AKR1B1: variants seen among roughly 807,000 people sequenced by gnomAD.
The protein encoded by AKR1B1 is aldo-keto reductase family 1 member B1.
In AKR1B1, 22 loss-of-function variants were observed where a neutral mutation model predicts 40.4. The observed-to-expected ratio is 0.54, with a 90% CI of 0.39 to 0.78. AKR1B1 has a LOEUF of 0.78. Among genes scored for constraint, AKR1B1 ranks in the 30% least tolerant of loss-of-function variants. AKR1B1 has a pLI of 0.00. For missense variants in AKR1B1, 357 were observed against 396.7 expected, an observed-to-expected ratio of 0.90 and a Z score of 0.85; for synonymous variants, 157 against 149.9, an observed-to-expected ratio of 1.05 and a Z score of -0.35.
At chr7:134,451,541 AT>A in intron 2 of AKR1B1, 44 bp downstream of exon 2, 1 of 1,610,604 alleles carries the variant, frequency 6.2e-7, no homozygotes, top group Non-Finnish European at 8.5e-7. Flanking sequence ...GCACCAACAG[AT>A]GATGGGACCG....
chr7:134,447,874 T>C (rs1806151175), intron 7 of AKR1B1, 106 bp downstream of exon 7: 1 of 1,002,184 alleles, frequency 1.0e-6, no homozygotes, highest in South Asian at 1.4e-5. Context: ...CTAACCATAC[T>C]TCCTGTGAGG....
At chr7:134,454,770 A>C (rs760809874) in intron 1 of AKR1B1, among the ~76,000 whole-genome samples, 3 of 152,096 alleles carry the variant, frequency 2.0e-5, no homozygotes, top group Admixed American at 6.5e-5. Flanking sequence ...GAAGCATGAG[A>C]ATGCTGTGCT....
chr7:134,455,759 T>TC (rs1397174839), intron 1 of AKR1B1, among the ~76,000 whole-genome samples: 7 of 144,100 alleles, frequency 4.9e-5, no homozygotes, highest in Non-Finnish European at 1.0e-4. Flanking sequence ...AATTTTTGTA[T>TC]TTTTAGTAGA....
chr7:134,445,979 C>T (rs2734657), intron 8 of AKR1B1, among the ~76,000 whole-genome samples: 31,988 of 152,148 alleles, frequency 0.21, 4,590 homozygotes, highest in East Asian at 0.62. Context: ...GAGGCTGACA[C>T]ACACTCCCAG....
At chr7:134,449,420 A>G in intron 4 of AKR1B1, 1 of 556,054 alleles carries the variant, frequency 1.8e-6, no homozygotes, top group Non-Finnish European at 3.2e-6. Flanking sequence ...CCCCGTCTCT[A>G]CTAAAAATAC....
rs140139985 is a variant in AKR1B1 at position 134,448,407 on chromosome 7, G to A, written c.639C>T (p.Leu213=). ...KGIVVTAYSP[L]GSPDRPWAKP... The stretch of plus-strand genomic sequence containing the variant: ...CTCACCAGGGCCTGTCAGGAGAGCC[G>A]AGGGGGCTGTAGGCGGTCACCACGA... The change falls in exon 6 of 10, where the codon CTC becomes CTT. Residue 213 remains leucine, a synonymous_variant. Coordinates refer to ENST00000285930, the MANE Select transcript of AKR1B1 (RefSeq NM_001628.4). The A allele has an allele frequency of 4.5e-4, 730 of 1,613,640 alleles. No homozygotes were observed. Among genetic ancestry groups the A allele is most frequent in the Non-Finnish European group, 5.9e-4 (699 of 1,179,762 alleles).
intron 9 of AKR1B1, chr7:134,444,933 C>T (rs1001961920): frequency 2.0e-6 from 1 of 498,862 alleles, no homozygotes; most frequent in African/African-American, 1.9e-5. Flanking sequence ...CACCTGGGAT[C>T]ACCTAGTTTC....
intron 1 of AKR1B1, among the ~76,000 whole-genome samples, chr7:134,457,918 T>G (rs1806520958): frequency 6.6e-6 from 1 of 152,126 alleles, no homozygotes; most frequent in South Asian, 2.1e-4. Flanking sequence ...GAGGATCACT[T>G]GAGCCCAGGA....
intron 9 of AKR1B1, among the ~76,000 whole-genome samples, chr7:134,443,955 T>G (rs1306241533): frequency 6.6e-6 from 1 of 151,982 alleles, no homozygotes; most frequent in Non-Finnish European, 1.5e-5. Flanking sequence ...AACAGGATAA[T>G]CGAACAGAAG....
In AKR1B1 at chr7:134,442,725, GC is replaced by G; in HGVS notation, c.*2del. On this transcript the variant is annotated 3_prime_UTR_variant, in exon 10 of 10. Transcript: ENST00000285930. ...ACTTGGGGACGAGCAGGCAACCACA[GC>G]TTCAAAACTCTTCATGGAAGGGGTA... The G allele has an allele frequency of 6.2e-7, 1 of 1,614,070 alleles. No individual in the cohort carries two copies. The highest frequency in any genetic ancestry group is 1.1e-5 in the South Asian group (1 of 91,076).
intron 9 of AKR1B1, 138 bp downstream of exon 9, chr7:134,445,100 G>A: frequency 1.3e-6 from 1 of 797,090 alleles, no homozygotes; most frequent in Non-Finnish European, 2.1e-6. Context: ...TCACGTGGCT[G>A]AGAAAGCAAG....
chr7:134,447,433 C>G, intron 7 of AKR1B1, 52 bp from the exon 8 acceptor site: 1 of 1,481,716 alleles, frequency 6.7e-7, no homozygotes, highest in East Asian at 2.3e-5. Flanking sequence ...CACTCGCACC[C>G]ATCATCTCAG....
intron 7 of AKR1B1, 197 bp from the exon 8 acceptor site, chr7:134,447,578 C>A (rs111774570): frequency 2.6e-5 from 17 of 663,470 alleles, no homozygotes; most frequent in South Asian, 1.5e-4. Flanking sequence ...CAGAGTCCTG[C>A]GCTAGCCACT....
chr7:134,451,880 A>G, intron 1 of AKR1B1, 127 bp from the exon 2 acceptor site: 1 of 1,018,088 alleles, frequency 9.8e-7, no homozygotes, highest in African/African-American at 1.6e-5. Context: ...GACCACGTGC[A>G]CTTCCTCAGC....
chr7:134,444,933 C>A, intron 9 of AKR1B1: 1 of 498,980 alleles, frequency 2.0e-6, no homozygotes, highest in Admixed American at 3.2e-5. Context: ...CACCTGGGAT[C>A]ACCTAGTTTC....
At chr7:134,447,245 C>T (rs1701582430) in intron 8 of AKR1B1, 53 bp downstream of exon 8, 2 of 1,443,928 alleles carry the variant, frequency 1.4e-6, no homozygotes, top group Admixed American at 1.7e-5. Flanking sequence ...GAGAGGCCTC[C>T]CCCATCCCCC....
chr7:134,456,608 A>G (rs921889905), intron 1 of AKR1B1, among the ~76,000 whole-genome samples: 1 of 151,950 alleles, frequency 6.6e-6, no homozygotes, highest in Non-Finnish European at 1.5e-5. Context: ...GTACAATTCT[A>G]CACCAACCTG....
intron 9 of AKR1B1, among the ~76,000 whole-genome samples, chr7:134,444,062 C>CT: frequency 6.6e-6 from 1 of 152,208 alleles, no homozygotes; most frequent in Non-Finnish European, 1.5e-5. Flanking sequence ...TCAATCCACT[C>CT]TGTCTCAAGT....
At chr7:134,452,796 T>C (rs149763856) in intron 1 of AKR1B1, among the ~76,000 whole-genome samples, 53 of 152,296 alleles carry the variant, frequency 3.5e-4, no homozygotes, top group African/African-American at 1.2e-3. Context: ...ACATCAGCTA[T>C]TTTCAACAGG....
Sources: allele counts gnomAD v4.1 joint callset (sites outside exome capture counted in the v4.1 genomes callset), GRCh38; gene constraint gnomAD v4.1.1; transcripts MANE v1.5; gene names NCBI Gene and HGNC (gene_info 2026-07-23, HGNC 2026-07-21).